Variants in PID1 observed in about 807,000 individuals in gnomAD.
PID1 encodes the protein phosphotyrosine interaction domain containing 1, also known as PTB-containing, cubilin and LRP1-interacting protein.
In PID1, 10 loss-of-function variants were observed where a neutral mutation model predicts 19.1. That is an observed-to-expected ratio of 0.52 (90% CI 0.32 to 0.89). PID1 has a LOEUF of 0.89. Ranked by LOEUF, PID1 falls within the 40% of genes least tolerant of loss-of-function variation. PID1 has a pLI of 0.03. For synonymous variants in PID1, 130 were observed against 116.0 expected, an observed-to-expected ratio of 1.12 and a Z score of -0.78; for missense variants, 248 against 285.3, an observed-to-expected ratio of 0.87 and a Z score of 0.94.
chr2:229,107,503 C>CAAAAAAAAAAAA (rs36057425), intron 2 of PID1, among the ~76,000 whole-genome samples: 1 of 119,238 alleles, frequency 8.4e-6, no homozygotes, highest in Non-Finnish European at 1.8e-5. Flanking sequence ...AATATATCAC[C>CAAAAAAAAAAAA]AAAAAAAAAA....
chr2:229,259,062 T>C (rs1305227390), intron 1 of PID1, among the ~76,000 whole-genome samples: 2 of 151,522 alleles, frequency 1.3e-5, no homozygotes, highest in African/African-American at 4.8e-5. Flanking sequence ...TCGTAGTTTT[T>C]TTTTTTTTTT....
intron 2 of PID1, among the ~76,000 whole-genome samples, chr2:229,151,819 C>A (rs1690261621): frequency 6.6e-6 from 1 of 152,176 alleles, no homozygotes; most frequent in African/African-American, 2.4e-5. Flanking sequence ...ATCCGCCCGC[C>A]TCGGCCTCCC....
intron 1 of PID1, among the ~76,000 whole-genome samples, chr2:229,245,506 C>T (rs1176585848): frequency 7.9e-5 from 12 of 152,126 alleles, no homozygotes; most frequent in Admixed American, 7.9e-4. Context: ...GATTTGTGCA[C>T]ATTACATTAA....
intron 2 of PID1, among the ~76,000 whole-genome samples, chr2:229,152,581 C>T (rs942140054): frequency 2.0e-5 from 3 of 151,622 alleles, no homozygotes; most frequent in South Asian, 2.1e-4. Flanking sequence ...TCACACACAG[C>T]GTCTGATACT....
intron 2 of PID1, among the ~76,000 whole-genome samples, chr2:229,062,168 G>T (rs1424237263): frequency 2.6e-5 from 4 of 151,816 alleles, no homozygotes; most frequent in African/African-American, 9.7e-5. Context: ...TTTTATTTCT[G>T]ATTTTAGAGA....
At chr2:229,089,891 T>G (rs568243931) in intron 2 of PID1, among the ~76,000 whole-genome samples, 3 of 152,052 alleles carry the variant, frequency 2.0e-5, no homozygotes, top group African/African-American at 7.2e-5. Flanking sequence ...GGCCAGAGAG[T>G]AGAAAGAAGA....
chr2:229,222,476 G>A (rs914179319), intron 1 of PID1, among the ~76,000 whole-genome samples: 2 of 152,060 alleles, frequency 1.3e-5, no homozygotes, highest in African/African-American at 4.8e-5. Context: ...TACTTTGCTG[G>A]TTACACAGAC....
intron 2 of PID1, among the ~76,000 whole-genome samples, chr2:229,057,393 T>A (rs1240239950): frequency 1.3e-5 from 2 of 150,120 alleles, no homozygotes. Flanking sequence ...GAGGCGGAGG[T>A]TGCAGTGGGC....
At chr2:229,140,490 C>T (rs1401427768) in intron 2 of PID1, among the ~76,000 whole-genome samples, 2 of 151,846 alleles carry the variant, frequency 1.3e-5, no homozygotes, top group African/African-American at 4.8e-5. Context: ...AAAGAGTGCA[C>T]ACACACACAC....
At chr2:229,141,857 C>T (rs1337160585) in intron 2 of PID1, among the ~76,000 whole-genome samples, 1 of 149,384 alleles carries the variant, frequency 6.7e-6, no homozygotes, top group African/African-American at 2.5e-5. Flanking sequence ...GACATCATTT[C>T]TCTTGCCAAG....
chr2:229,071,232 T>G (rs1378961303), intron 2 of PID1, among the ~76,000 whole-genome samples: 1 of 152,220 alleles, frequency 6.6e-6, no homozygotes, highest in Non-Finnish European at 1.5e-5. Context: ...CTACACTGAC[T>G]CTGAGAGAAG....
At chr2:229,245,654 G>A (rs1460269875) in intron 1 of PID1, among the ~76,000 whole-genome samples, 1 of 152,120 alleles carries the variant, frequency 6.6e-6, no homozygotes, top group East Asian at 1.9e-4. Flanking sequence ...ATACTTGAAC[G>A]TATTTTATAG....
chr2:229,223,311 T>C (rs1186914762), intron 1 of PID1, among the ~76,000 whole-genome samples: 2 of 152,226 alleles, frequency 1.3e-5, no homozygotes, highest in Non-Finnish European at 2.9e-5. Context: ...ATTTCTTTTA[T>C]TATTAATAAG....
At chr2:229,166,366 C>A (rs10171051) in intron 1 of PID1, among the ~76,000 whole-genome samples, 28,317 of 152,144 alleles carry the variant, frequency 0.19, 2,901 homozygotes, top group Non-Finnish European at 0.23. Context: ...TGGTCTCATG[C>A]AGGTTTACAA....
At chr2:229,229,360 T>G (rs1692153672) in intron 1 of PID1, among the ~76,000 whole-genome samples, 1 of 152,198 alleles carries the variant, frequency 6.6e-6, no homozygotes, top group Non-Finnish European at 1.5e-5. Flanking sequence ...AACTTGTAAC[T>G]GGATTGCAAT....
intron 2 of PID1, among the ~76,000 whole-genome samples, chr2:229,045,286 T>C (rs1693852998): frequency 6.6e-6 from 1 of 152,224 alleles, no homozygotes; most frequent in South Asian, 2.1e-4. Flanking sequence ...AGAGTTTATT[T>C]TTCTTTTGGA....
chr2:229,201,701 C>T (rs1023228808), intron 1 of PID1, among the ~76,000 whole-genome samples: 3 of 152,184 alleles, frequency 2.0e-5, no homozygotes, highest in Admixed American at 1.3e-4. Context: ...GGAACTGCCA[C>T]GCTGCTTTCC....
chr2:229,092,989 T>A (rs1057460637), intron 2 of PID1, among the ~76,000 whole-genome samples: 2 of 152,174 alleles, frequency 1.3e-5, no homozygotes, highest in African/African-American at 2.4e-5. Context: ...TCTATCAAGG[T>A]TAAGAACAAT....
chr2:229,165,790 T>C (rs1364420929), intron 1 of PID1, among the ~76,000 whole-genome samples: 1 of 152,104 alleles, frequency 6.6e-6, no homozygotes, highest in African/African-American at 2.4e-5. Context: ...TAAGACTCCA[T>C]ATTGGAAAGG....
Sources: allele counts gnomAD v4.1 joint callset (sites outside exome capture counted in the v4.1 genomes callset), GRCh38; gene constraint gnomAD v4.1.1; transcripts MANE v1.5; gene names NCBI Gene and HGNC (gene_info 2026-07-23, HGNC 2026-07-21).